Variants in WWOX observed in about 807,000 individuals in gnomAD.
WWOX encodes the protein WW domain containing oxidoreductase.
In WWOX, 69 loss-of-function variants were observed where a neutral mutation model predicts 46.2. The ratio of observed to expected loss-of-function variants is 1.49; its 90% confidence interval spans 1.23 to 1.82. The LOEUF is 1.82. WWOX is among the 40% of genes most tolerant of loss of function. WWOX has a pLI of 0.00. For missense variants in WWOX, 919 were observed against 542.6 expected, an observed-to-expected ratio of 1.69 and a Z score of -6.89; for synonymous variants, 359 against 202.6, an observed-to-expected ratio of 1.77 and a Z score of -6.56.
chr16:78,774,912 G>A (rs988226095), intron 8 of WWOX, among the ~76,000 whole-genome samples: 3 of 152,140 alleles, frequency 2.0e-5, no homozygotes, highest in Admixed American at 6.5e-5. Flanking sequence ...CGTCACCGTT[G>A]CCCATAGCAC....
At chr16:78,923,727 T>C (rs919958198) in intron 8 of WWOX, among the ~76,000 whole-genome samples, 2 of 145,456 alleles carry the variant, frequency 1.4e-5, no homozygotes, top group Non-Finnish European at 3.1e-5. Flanking sequence ...GCCTTGGAAA[T>C]GTCAAAAGGA....
chr16:78,653,427 A>G (rs571351543), intron 8 of WWOX, among the ~76,000 whole-genome samples: 1 of 152,240 alleles, frequency 6.6e-6, no homozygotes, highest in African/African-American at 2.4e-5. Context: ...TGATTAGTCT[A>G]AGCCCATAAT....
chr16:79,057,585 G>T (rs377761196), intron 8 of WWOX, among the ~76,000 whole-genome samples: 6 of 25,636 alleles, frequency 2.3e-4, no homozygotes, highest in Admixed American at 1.6e-3. Flanking sequence ...TGGTGATTTT[G>T]GGGGGGGCAC....
At chr16:78,874,117 A>G (rs1031055395) in intron 8 of WWOX, among the ~76,000 whole-genome samples, 2 of 151,866 alleles carry the variant, frequency 1.3e-5, no homozygotes, top group African/African-American at 4.8e-5. Context: ...ATAGCTGGGC[A>G]TGGTGGCACA....
chr16:78,393,540 T>C (rs951891727), intron 6 of WWOX, among the ~76,000 whole-genome samples: 6 of 152,280 alleles, frequency 3.9e-5, no homozygotes, highest in African/African-American at 1.4e-4. Context: ...CTTAAGTCCC[T>C]GATAAAATAG....
chr16:79,201,814 T>C (rs2150831319), intron 8 of WWOX, among the ~76,000 whole-genome samples: 1 of 151,898 alleles, frequency 6.6e-6, no homozygotes, highest in East Asian at 1.9e-4. Context: ...AACCTGACAA[T>C]GTAATTTGTC....
At chr16:78,564,998 C>G (rs925966614) in intron 8 of WWOX, among the ~76,000 whole-genome samples, 3 of 152,176 alleles carry the variant, frequency 2.0e-5, no homozygotes, top group Non-Finnish European at 4.4e-5. Flanking sequence ...ATACACTACA[C>G]AATTGTTGGA....
At chr16:78,666,704 G>A (rs1377767516) in intron 8 of WWOX, among the ~76,000 whole-genome samples, 2 of 152,172 alleles carry the variant, frequency 1.3e-5, no homozygotes. Flanking sequence ...CATTAATTCA[G>A]GGGGGATTTA....
At chr16:78,823,542 A>G (rs770181524) in intron 8 of WWOX, among the ~76,000 whole-genome samples, 3 of 152,188 alleles carry the variant, frequency 2.0e-5, no homozygotes, top group African/African-American at 7.2e-5. Context: ...ATAGCATTCT[A>G]AAGATGTTCC....
At chr16:78,249,047 T>C (rs1298545068) in intron 5 of WWOX, among the ~76,000 whole-genome samples, 1 of 152,036 alleles carries the variant, frequency 6.6e-6, no homozygotes, top group Non-Finnish European at 1.5e-5. Flanking sequence ...TTAGTAGAGA[T>C]GGAGTTTCAC....
chr16:78,749,157 A>G (rs1194488690), intron 8 of WWOX, among the ~76,000 whole-genome samples: 1 of 152,192 alleles, frequency 6.6e-6, no homozygotes, highest in Non-Finnish European at 1.5e-5. Flanking sequence ...CTGCATGGGT[A>G]CGCAGATAAA....
chr16:78,574,030 G>T (rs547486066), intron 8 of WWOX, among the ~76,000 whole-genome samples: 201 of 152,272 alleles, frequency 1.3e-3, no homozygotes, highest in African/African-American at 4.7e-3. Flanking sequence ...AAATCACCCA[G>T]ATTACTAGCA....
chr16:78,637,843 C>T (rs1292285816), intron 8 of WWOX, among the ~76,000 whole-genome samples: 1 of 152,162 alleles, frequency 6.6e-6, no homozygotes, highest in Non-Finnish European at 1.5e-5. Flanking sequence ...TGTGTGTCTC[C>T]ACTTTCCAGC....
chr16:79,082,542 A>G (rs2048779916), intron 8 of WWOX, among the ~76,000 whole-genome samples: 3 of 152,272 alleles, frequency 2.0e-5, no homozygotes, highest in Admixed American at 6.5e-5. Flanking sequence ...ATCTTGGTCC[A>G]TCTTCATGGG....
At chr16:78,679,284 G>A (rs1023821962) in intron 8 of WWOX, among the ~76,000 whole-genome samples, 1 of 152,164 alleles carries the variant, frequency 6.6e-6, no homozygotes, top group Non-Finnish European at 1.5e-5. Flanking sequence ...GGTGCAGTGG[G>A]TTGCGCCTGT....
At chr16:78,378,058 G>A (rs1255164317) in intron 5 of WWOX, among the ~76,000 whole-genome samples, 1 of 152,080 alleles carries the variant, frequency 6.6e-6, no homozygotes, top group Non-Finnish European at 1.5e-5. Context: ...TGGTTGATTT[G>A]AAGGTTAGGA....
chr16:78,519,026 T>A (rs952932829), intron 8 of WWOX, among the ~76,000 whole-genome samples: 4 of 152,190 alleles, frequency 2.6e-5, no homozygotes, highest in African/African-American at 9.7e-5. Flanking sequence ...TAGGTCTAGT[T>A]TTTGTTTAGC....
chr16:79,055,183 C>T (rs1054228527), intron 8 of WWOX, among the ~76,000 whole-genome samples: 3 of 152,154 alleles, frequency 2.0e-5, no homozygotes, highest in Admixed American at 6.6e-5. Flanking sequence ...ATAAAGCAAA[C>T]AGTAACAGTG....
At chr16:78,109,874 T>G (rs1378132526) in intron 3 of WWOX, 39 bp downstream of exon 3, 2 of 1,609,206 alleles carry the variant, frequency 1.2e-6, no homozygotes, top group South Asian at 2.2e-5. Flanking sequence ...GCTGTTTTGC[T>G]TTTTAATAGG....
Sources: allele counts gnomAD v4.1 joint callset (sites outside exome capture counted in the v4.1 genomes callset), GRCh38; gene constraint gnomAD v4.1.1; transcripts MANE v1.5; gene names NCBI Gene and HGNC (gene_info 2026-07-23, HGNC 2026-07-21).